The following BAZ1B variants were observed in gnomAD, a reference collection of about 807,000 sequenced individuals.
BAZ1B encodes the protein tyrosine-protein kinase BAZ1B.
BAZ1B carries 22 observed loss-of-function variants against 153.8 expected under a neutral mutation model. That is an observed-to-expected ratio of 0.14 (90% CI 0.10 to 0.20). The LOEUF (loss-of-function observed/expected upper bound fraction) is 0.20. BAZ1B is among the 10% of genes least tolerant of loss of function. The pLI is 1.00. For synonymous variants in BAZ1B, 676 were observed against 633.4 expected (o/e 1.07, Z -1.01); for missense variants, 1,325 against 1,799.3 (o/e 0.74, Z 4.77).
chr7:73,490,657 G>C (rs1264643332), intron 5 of BAZ1B, among the ~76,000 whole-genome samples: 1 of 150,922 alleles, frequency 6.6e-6, no homozygotes. Context: ...CCAGGCTGGA[G>C]AGCAATGGCG....
intron 1 of BAZ1B, among the ~76,000 whole-genome samples, chr7:73,515,182 A>G (rs1432407176): frequency 1.3e-5 from 2 of 152,222 alleles, no homozygotes; most frequent in Non-Finnish European, 2.9e-5. Flanking sequence ...ATCATCCTTT[A>G]GATCTCAAAA....
At chr7:73,469,896 T>C (rs1788731051) in intron 8 of BAZ1B, among the ~76,000 whole-genome samples, 1 of 152,136 alleles carries the variant, frequency 6.6e-6, no homozygotes, top group African/African-American at 2.4e-5. Flanking sequence ...TAAATTGAAA[T>C]GGGGTCTCGC....
In BAZ1B at chr7:73,440,552, C is replaced by T. The variant is rs188164855; in HGVS notation, c.*1157G>A. 1.3e-5 allele frequency: 2 copies of T among 151,016 alleles called. No homozygotes were observed. The highest frequency in any genetic ancestry group is 1.9e-4 in the East Asian group (1 of 5,146). 9.4% of individuals were successfully genotyped at this position (151,016 alleles called of 1,614,324 possible). On this transcript the variant is annotated 3_prime_UTR_variant, in exon 20 of 20. Transcript: ENST00000339594. ...TTCAGGTGTCACTGAAGTGGGAACA[C>T]AGGATTCTCACTATGAACAAGAACA...
intron 3 of BAZ1B, among the ~76,000 whole-genome samples, chr7:73,501,156 T>C (rs976869172): frequency 2.0e-5 from 3 of 151,874 alleles, no homozygotes; most frequent in African/African-American, 7.3e-5. Flanking sequence ...CTCGGGAGGC[T>C]GAGACAGGAG....
At chr7:73,447,705 CAAA>C (rs1787889230) in intron 15 of BAZ1B, among the ~76,000 whole-genome samples, 1 of 152,140 alleles carries the variant, frequency 6.6e-6, no homozygotes, top group Non-Finnish European at 1.5e-5. Flanking sequence ...TTTTGTCTCA[CAAA>C]AAGAGCCAGA....
chr7:73,469,717 G>A lies in BAZ1B; in HGVS notation c.2733-67C>T, dbSNP rs1788724710. 1.9e-6 allele frequency: 3 copies of A among 1,564,646 alleles called. No individual in the cohort carries two copies. The East Asian group carries it at 6.7e-5, about 35-fold the overall frequency. On this transcript the variant is annotated intron_variant, in intron 8 of 19. Coordinates refer to ENST00000339594, the MANE Select transcript of BAZ1B (RefSeq NM_032408.4). The stretch of plus-strand genomic sequence containing the variant: ...AGGATTGCAGGATGATTTTACTGCT[G>A]GAGAAGATAATACAGAGTATCACTG...
chr7:73,443,936 G>GTTA, intron 17 of BAZ1B, 48 bp downstream of exon 17: 1 of 1,608,886 alleles, frequency 6.2e-7, no homozygotes, highest in Non-Finnish European at 8.5e-7. Flanking sequence ...GCTGGGGTAG[G>GTTA]GAATAAGAAA....
chr7:73,448,709 G>A (rs1472963763), intron 15 of BAZ1B, among the ~76,000 whole-genome samples: 1 of 152,230 alleles, frequency 6.6e-6, no homozygotes, highest in African/African-American at 2.4e-5. Flanking sequence ...AAAGGCACAA[G>A]AGGCAAGGAT....
chr7:73,505,780 A>C (rs1790313387), intron 3 of BAZ1B, among the ~76,000 whole-genome samples: 1 of 152,174 alleles, frequency 6.6e-6, no homozygotes, highest in African/African-American at 2.4e-5. Context: ...CAAACTCCTG[A>C]CCTCAGGTGA....
chr7:73,520,763 A>G (rs1239774626), intron 1 of BAZ1B, among the ~76,000 whole-genome samples: 1 of 152,224 alleles, frequency 6.6e-6, no homozygotes, highest in East Asian at 1.9e-4. Flanking sequence ...ACTCTGAGAG[A>G]CACTTCCTCC....
chr7:73,479,508 C>CAAA (rs565909571), intron 6 of BAZ1B, among the ~76,000 whole-genome samples: 5,795 of 66,742 alleles, frequency 0.087, 159 homozygotes, highest in Non-Finnish European at 0.11. Flanking sequence ...ACCCCCGTCT[C>CAAA]AAAAAAAAAA....
chr7:73,490,532 T>C (rs1407087798), intron 5 of BAZ1B, among the ~76,000 whole-genome samples: 1 of 152,194 alleles, frequency 6.6e-6, no homozygotes, highest in Non-Finnish European at 1.5e-5. Context: ...AACCAATACT[T>C]ATATTTGTGA....
intron 6 of BAZ1B, among the ~76,000 whole-genome samples, chr7:73,481,098 TG>T (rs1789180359): frequency 6.6e-6 from 1 of 152,076 alleles, no homozygotes; most frequent in African/African-American, 2.4e-5. Flanking sequence ...GGCTAACTTT[TG>T]TATTTTTAGT....
intron 1 of BAZ1B, among the ~76,000 whole-genome samples, chr7:73,514,521 G>A (rs1229560792): frequency 7.1e-6 from 1 of 140,562 alleles, no homozygotes; most frequent in African/African-American, 2.7e-5. Flanking sequence ...CAACAAGAGT[G>A]AAACTCAGTC....
rs782590711 is a variant in BAZ1B, at chr7:73,470,453, C to T, written c.2624G>A (p.Arg875Gln). The change falls in exon 8 of 20, where the codon CGA (arginine) becomes CAA (glutamine). Residue 875 changes from arginine to glutamine, a missense_variant. Physicochemically the swap from Arg to Gln is conservative, Grantham distance 43. Around this residue, in one of 9 missense-constraint regions of BAZ1B, gnomAD observed 431 missense variants for 563.5 expected, o/e 0.76. Coordinates refer to ENST00000339594, the MANE Select transcript of BAZ1B (RefSeq NM_032408.4). Reference protein sequence around the residue: ...VKLERQAEEERIRKHKAAAEK... With the variant: ...VKLERQAEEEQIRKHKAAAEK... ...AGCAGCTGCTTTGTGCTTCCGTATT[C>T]GTTCTTCTTCAGCTTGGCGTTCCAG... 5 of 1,613,810 alleles carry T rather than the reference C, an allele frequency of 3.1e-6. No homozygotes were observed. Among genetic ancestry groups the T allele is most frequent in the Non-Finnish European group, 4.2e-6 (5 of 1,179,952 alleles).
chr7:73,448,682 A>G (rs952458217), intron 15 of BAZ1B, among the ~76,000 whole-genome samples: 4 of 152,230 alleles, frequency 2.6e-5, no homozygotes, highest in Admixed American at 2.6e-4. Context: ...TGGGCAGAGA[A>G]TGTTCCCAGC....
intron 11 of BAZ1B, among the ~76,000 whole-genome samples, chr7:73,463,612 A>T (rs781880859): frequency 2.0e-5 from 3 of 152,202 alleles, no homozygotes; most frequent in Non-Finnish European, 4.4e-5. Context: ...TTTTCAATTC[A>T]ACACACATAG....
At position 73,442,830 on chromosome 7, in the gene BAZ1B, T is replaced by C. The variant is rs782560377; in HGVS notation, c.3991-2A>G. ...GGAGCTCCGCTTGGTCTGAAGCACC[T>C]GGCAGGAAAGAAAGAACAATGTTAT... is the stretch of plus-strand genomic sequence containing the variant. On this transcript the variant is annotated splice_acceptor_variant, in intron 17 of 19. Transcript: ENST00000339594. LOFTEE classifies it high-confidence loss of function. 2.7e-5 allele frequency: 43 copies of C among 1,610,500 alleles called. No homozygotes were observed. Among genetic ancestry groups the C allele is most frequent in the Non-Finnish European group, 3.2e-5 (38 of 1,177,306 alleles).
At chr7:73,465,034 C>G (rs1414327231) in intron 11 of BAZ1B, among the ~76,000 whole-genome samples, 1 of 152,134 alleles carries the variant, frequency 6.6e-6, no homozygotes, top group Non-Finnish European at 1.5e-5. Context: ...CGCACAAGGC[C>G]TGGATATATA....
Sources: allele counts gnomAD v4.1 joint callset (sites outside exome capture counted in the v4.1 genomes callset), GRCh38; gene constraint gnomAD v4.1.1; regional missense constraint gnomAD v4.1.1; transcripts MANE v1.5; gene names NCBI Gene and HGNC (gene_info 2026-07-23, HGNC 2026-07-21).